Variants in MIS18BP1 observed in about 807,000 individuals in gnomAD.
The protein encoded by MIS18BP1 is mis18-binding protein 1.
MIS18BP1 carries 72 observed loss-of-function variants against 116.1 expected under a neutral mutation model. That is an observed-to-expected ratio of 0.62 (90% CI 0.51 to 0.75). The LOEUF is 0.75. Ranked by LOEUF, MIS18BP1 falls within the 30% of genes least tolerant of loss-of-function variation. The pLI is 0.00. For synonymous variants in MIS18BP1, 386 were observed against 427.0 expected (o/e 0.90, Z 1.18); for missense variants, 1,363 against 1,303.2 (o/e 1.05, Z -0.71).
At chr14:45,207,765 T>A (rs895294286) in intron 14 of MIS18BP1, among the ~76,000 whole-genome samples, 1 of 152,160 alleles carries the variant, frequency 6.6e-6, no homozygotes, top group African/African-American at 2.4e-5. Context: ...GATATAACTG[T>A]TTGATTACTT....
intron 11 of MIS18BP1, among the ~76,000 whole-genome samples, chr14:45,220,208 C>A (rs1452991491): frequency 6.6e-6 from 1 of 152,112 alleles, no homozygotes; most frequent in African/African-American, 2.4e-5. Flanking sequence ...GGCGATCCCC[C>A]TGACTCCGCC....
rs1326618634 is a variant in MIS18BP1, at chr14:45,246,937, C to T, written c.350G>A (p.Arg117Lys). The change falls in exon 2 of 17, where the codon AGA becomes AAA. Residue 117 changes from arginine to lysine, a missense_variant. Coordinates refer to ENST00000310806, the MANE Select transcript of MIS18BP1 (RefSeq NM_018353.5). ...GTCACGCAGTACTTTTTCTTTCATT[C>T]TTAGAAATATTTTTCCTGGTGATTC... ...NYESPGKIFLRMKEKVLRDKQ... is the reference protein window; with the variant it reads ...NYESPGKIFLKMKEKVLRDKQ... The T allele has an allele frequency of 1.9e-6, 3 of 1,603,072 alleles. No individual in the cohort carries two copies. Among genetic ancestry groups the T allele is most frequent in the South Asian group, 1.1e-5 (1 of 87,752 alleles).
At chr14:45,252,839 T>C (rs1271833635) in intron 1 of MIS18BP1, among the ~76,000 whole-genome samples, 196 bp downstream of exon 1, 1 of 151,492 alleles carries the variant, frequency 6.6e-6, no homozygotes, top group Non-Finnish European at 1.5e-5. Flanking sequence ...ATTTGAGCAA[T>C]CGTGTTCTAC....
intron 2 of MIS18BP1, among the ~76,000 whole-genome samples, chr14:45,245,229 T>C (rs1278666796): frequency 3.3e-5 from 5 of 152,214 alleles, no homozygotes; most frequent in Non-Finnish European, 5.9e-5. Context: ...CTCAGCCTAC[T>C]TGACCAATTA....
chr14:45,232,609 A>C (rs1310511996), intron 7 of MIS18BP1, 124 bp downstream of exon 7: 1 of 638,228 alleles, frequency 1.6e-6, no homozygotes, highest in East Asian at 3.0e-5. Context: ...AGTCTGGCCA[A>C]CATGACGAAA....
At chr14:45,224,849 A>G (rs1380039792) in intron 10 of MIS18BP1, 103 bp from the exon 11 acceptor site, 8 of 901,018 alleles carry the variant, frequency 8.9e-6, no homozygotes, top group Non-Finnish European at 9.8e-6. Context: ...TACTATTTTT[A>G]TCCACGAGCT....
At chr14:45,236,728 A>G (rs555337277) in intron 5 of MIS18BP1, among the ~76,000 whole-genome samples, 1 of 152,322 alleles carries the variant, frequency 6.6e-6, no homozygotes, top group South Asian at 2.1e-4. Context: ...ACACTCAAAA[A>G]GCACTGTTCT....
At chr14:45,235,207 CAA>C (rs201225566) in intron 6 of MIS18BP1, among the ~76,000 whole-genome samples, 11 of 95,670 alleles carry the variant, frequency 1.1e-4, no homozygotes, top group Admixed American at 1.1e-4. Flanking sequence ...ACTCCATCTC[CAA>C]AAAAAAAAAA....
intron 6 of MIS18BP1, among the ~76,000 whole-genome samples, chr14:45,235,137 G>A (rs1274961335): frequency 1.3e-5 from 2 of 151,250 alleles, no homozygotes; most frequent in African/African-American, 2.4e-5. Flanking sequence ...AACTTAGGAG[G>A]TGGAGGTTGC....
At chr14:45,252,006 T>C (rs1465558634) in intron 1 of MIS18BP1, among the ~76,000 whole-genome samples, 1 of 152,234 alleles carries the variant, frequency 6.6e-6, no homozygotes, top group Non-Finnish European at 1.5e-5. Flanking sequence ...CCAGCCACTA[T>C]ATAATCTAAC....
intron 13 of MIS18BP1, among the ~76,000 whole-genome samples, chr14:45,212,677 A>C (rs1890707868): frequency 6.6e-6 from 1 of 152,218 alleles, no homozygotes; most frequent in African/African-American, 2.4e-5. Context: ...GGAGGAGTTT[A>C]ACTGGTATAT....
At position 45,247,265 on chromosome 14, in the gene MIS18BP1, G is replaced by A. The variant is rs771942200; in HGVS notation, c.22C>T (p.His8Tyr). The A allele has an allele frequency of 4.4e-6, 7 of 1,574,510 alleles. No homozygotes were observed. The highest frequency in any genetic ancestry group is 6.0e-6 in the Non-Finnish European group (7 of 1,165,746). The change falls in exon 2 of 17, where the codon CAT (histidine) becomes TAT (tyrosine). Residue 8 changes from histidine to tyrosine, a missense_variant. His to Tyr is a moderately conservative substitution (Grantham distance 83). Transcript: ENST00000310806. The part of the protein sequence containing the change: MIATPLK[H>Y]SRIYLPPEAS... ...TCTGGAGGTAAGTAAATTCTTGAAT[G>A]TTTCAAAGGTGTTGCAATCATCTTG...
At chr14:45,208,712 G>A (rs1890594692) in intron 14 of MIS18BP1, among the ~76,000 whole-genome samples, 1 of 152,116 alleles carries the variant, frequency 6.6e-6, no homozygotes, top group African/African-American at 2.4e-5. Flanking sequence ...TTCTCAGTAT[G>A]CTTTCCCCTG....
At position 45,217,730 on chromosome 14, in the gene MIS18BP1, CT is replaced by C. The variant is rs201801051; in HGVS notation, c.2842+551del. Among the ~76,000 whole-genome samples the C allele has an allele frequency of 3.1e-3, 474 of 152,128 alleles. 5 individuals are homozygous for C. Among genetic ancestry groups the C allele is most frequent in the Admixed American group, 0.021 (320 of 15,282 alleles). ...GGATTACAGGCATGAGCCACCGTGCCTGGCCAAAAAGATCTTTACACTGCAA... is the reference window on the plus strand; with the variant it reads ...GGATTACAGGCATGAGCCACCGTGCCGGCCAAAAAGATCTTTACACTGCAA... On this transcript the variant is annotated intron_variant, in intron 12 of 16. Transcript: ENST00000310806.
intron 12 of MIS18BP1, among the ~76,000 whole-genome samples, chr14:45,217,837 G>A (rs1890865556): frequency 6.6e-6 from 1 of 152,134 alleles, no homozygotes; most frequent in African/African-American, 2.4e-5. Context: ...ACTGAATTAT[G>A]ACAGGGTATT....
intron 7 of MIS18BP1, chr14:45,232,498 G>T: frequency 7.3e-5 from 26 of 357,356 alleles, no homozygotes; most frequent in East Asian, 1.5e-4. Context: ...TTAATTAAAT[G>T]TAAATTGTAC....
chr14:45,220,378 T>C (rs533906316), intron 11 of MIS18BP1, among the ~76,000 whole-genome samples: 16 of 152,316 alleles, frequency 1.1e-4, no homozygotes, highest in Admixed American at 8.5e-4. Context: ...AGTTTAAATA[T>C]GTGTCCCTAC....
At chr14:45,220,194 C>T (rs1890935451) in intron 11 of MIS18BP1, among the ~76,000 whole-genome samples, 1 of 152,030 alleles carries the variant, frequency 6.6e-6, no homozygotes, top group Non-Finnish European at 1.5e-5. Context: ...AACTTCTGGG[C>T]TCAGGCGATC....
At position 45,224,253 on chromosome 14, in the gene MIS18BP1, T is replaced by C. The variant is rs920303592; in HGVS notation, c.2334A>G (p.Thr778=). ...CAGCTTTCCTTTTAATTTCCTTTTC[T>C]GTTTCACTTTCTTCACTTGACAAAT... The part of the protein sequence containing the change: ...SPDLSSEESE[T]EKEIKRKAEV... Residue 778 remains threonine (T), a synonymous_variant, in exon 11 of 17, where the codon ACA becomes ACG. Coordinates refer to ENST00000310806, the MANE Select transcript of MIS18BP1 (RefSeq NM_018353.5). The C allele has an allele frequency of 1.4e-5, 22 of 1,613,810 alleles. No homozygotes were observed. The highest frequency in any genetic ancestry group is 1.8e-5 in the Non-Finnish European group (21 of 1,180,004).
Sources: gnomAD v4.1 joint callset for allele counts (sites outside exome capture counted in the v4.1 genomes callset) on GRCh38, gnomAD v4.1.1 for gene constraint, MANE v1.5 for transcripts, NCBI Gene and HGNC (gene_info 2026-07-23, HGNC 2026-07-21) for gene names.